LTBP2: variants seen among roughly 807,000 people sequenced by gnomAD.
LTBP2 encodes the protein latent transforming growth factor beta binding protein 2.
Under a neutral mutation model 210.6 loss-of-function variants are expected in LTBP2, and 103 were observed. That is an observed-to-expected ratio of 0.49 (90% confidence interval 0.42 to 0.58). The LOEUF is 0.58. Among genes scored for constraint, LTBP2 ranks in the 20% least tolerant of loss-of-function variants. The pLI, the probability that LTBP2 is intolerant of heterozygous loss-of-function variation, is 0.00. For missense variants in LTBP2, 2,313 were observed against 2,494.5 expected (o/e 0.93, Z 1.55); for synonymous variants, 1,007 against 1,015.0 (o/e 0.99, Z 0.15).
At chr14:74,567,739 A>T (rs1359087269) in intron 3 of LTBP2, among the ~76,000 whole-genome samples, 2 of 152,014 alleles carry the variant, frequency 1.3e-5, no homozygotes, top group Non-Finnish European at 2.9e-5. Context: ...CTGGGCACAC[A>T]GCTGCTGCCC....
At chr14:74,581,237 G>T (rs1019363000) in intron 3 of LTBP2, among the ~76,000 whole-genome samples, 1 of 152,266 alleles carries the variant, frequency 6.6e-6, no homozygotes, top group Admixed American at 6.5e-5. Context: ...GTGAGTGGGT[G>T]TGGTTGGCCC....
intron 2 of LTBP2, among the ~76,000 whole-genome samples, chr14:74,600,268 C>G (rs1288484819): frequency 6.6e-6 from 1 of 152,234 alleles, no homozygotes; most frequent in African/African-American, 2.4e-5. Flanking sequence ...GAGCCAACTT[C>G]AAGTGGGAGG....
Position 74,511,281 on chromosome 14 carries a change from C to T in LTBP2, c.2992G>A (p.Glu998Lys), listed in dbSNP as rs774936293. The T allele has an allele frequency of 1.1e-5, 17 of 1,613,990 alleles. No homozygotes were observed. The highest frequency in any genetic ancestry group is 1.7e-5 in the Admixed American group (1 of 60,010). ...CCACTCTGGCCCCGGTAGCCCTCCT[C>T]ACAGGCCAGACAAGTGTAGGAGCCA... ...SPGSYTCLAC[E>K]EGYRGQSGSC... Residue 998 changes from glutamate (E) to lysine (K), a missense_variant, in exon 19 of 36, where the codon GAG becomes AAG. By Grantham distance (56) the Glu-to-Lys change is moderately conservative. Transcript: ENST00000261978.
intron 30 of LTBP2, 115 bp from the exon 31 acceptor site, chr14:74,504,169 G>GGCAGA: frequency 7.3e-7 from 1 of 1,371,476 alleles, no homozygotes. Context: ...CTTACTAGGT[G>GGCAGA]GCTTTGGGCA....
At chr14:74,511,052 C>G (rs2087064877) in intron 19 of LTBP2, among the ~76,000 whole-genome samples, 193 bp downstream of exon 19, 3 of 152,248 alleles carry the variant, frequency 2.0e-5, no homozygotes, top group South Asian at 2.1e-4. Context: ...AAAAGGGCCC[C>G]ACCCTAGCTG....
At position 74,508,131 on chromosome 14, in the gene LTBP2, G is replaced by A. The variant is rs555010804; in HGVS notation, c.3653-36C>T. The A allele has an allele frequency of 5.3e-4, 857 of 1,612,314 alleles. 12 individuals carry two copies. In the South Asian group the frequency reaches 8.7e-3, roughly 16 times the overall value. ...GATGGCTGTCAGCAGACCCAGCCAC[G>A]GGTCCCTTCCCTGTTAGGGTCCTGT... On this transcript the variant is annotated intron_variant, in intron 24 of 35. Coordinates refer to ENST00000261978, the MANE Select transcript of LTBP2 (RefSeq NM_000428.3).
In LTBP2 at chr14:74,506,732, G is replaced by A. The variant is rs757436836; in HGVS notation, c.3999C>T (p.Gly1333=). 1 of 1,613,956 alleles carries A rather than the reference G, an allele frequency of 6.2e-7. No homozygotes were observed. The highest frequency in any genetic ancestry group is 8.5e-7 in the Non-Finnish European group (1 of 1,180,048). Residue 1333 remains glycine (G), a synonymous_variant, in exon 27 of 36, where the codon GGC becomes GGT. Transcript: ENST00000261978. ...CCCAGCCTGAGGGAGAGATCTCGAAGCCCTGGTCACAGAGGCAGCGGAAGG... is the reference window on the plus strand; with the variant it reads ...CCCAGCCTGAGGGAGAGATCTCGAAACCCTGGTCACAGAGGCAGCGGAAGG... ...DGSFRCLCDQ[G]FEISPSGWDC...
At chr14:74,583,935 A>G (rs2088170621) in intron 3 of LTBP2, among the ~76,000 whole-genome samples, 1 of 152,084 alleles carries the variant, frequency 6.6e-6, no homozygotes, top group Non-Finnish European at 1.5e-5. Flanking sequence ...CAGGGGCCTC[A>G]CCTCCTCCTG....
chr14:74,533,364 T>C (rs1396056214), intron 9 of LTBP2, among the ~76,000 whole-genome samples: 1 of 151,886 alleles, frequency 6.6e-6, no homozygotes, highest in African/African-American at 2.4e-5. Context: ...GAGAGTGGCA[T>C]GTTGAGATGC....
At position 74,500,479 on chromosome 14, in the gene LTBP2, C is replaced by T; in HGVS notation, c.*405G>A. The T allele has an allele frequency of 2.4e-6, 1 of 423,468 alleles. No homozygotes were observed. The highest frequency in any genetic ancestry group is 6.9e-4 in the Middle Eastern group (1 of 1,442). The allele number at this position is 423,468 out of a possible 1,614,324, so 26.2% of individuals were successfully genotyped here. ...GACCTCCCTAGGGCAGATGTAGCCT[C>T]TGTCCCAGTTGTGGGATCGTCAGGA... On this transcript the variant is annotated 3_prime_UTR_variant, in exon 36 of 36. Transcript: ENST00000261978.
In LTBP2 at chr14:74,501,578, C is replaced by T; in HGVS notation, c.5183G>A (p.Gly1728Asp). 1 of 1,614,056 alleles carries T rather than the reference C, an allele frequency of 6.2e-7. No individual in the cohort carries two copies. Among genetic ancestry groups the T allele is most frequent in the African/African-American group, 1.3e-5 (1 of 75,034 alleles). Residue 1728 changes from glycine to aspartate, a missense_variant, in exon 35 of 36, where the codon GGC becomes GAC. Gly to Asp is a moderately conservative substitution (Grantham distance 94). This residue lies in a region of LTBP2 where 443 missense variants were observed against 501.4 expected (regional missense o/e 0.88). Transcript: ENST00000261978. ...YVASHPEPPA[G>D]FEGLQAEECG... ...CTCCTCCGCCTGAAGCCCTTCGAAGCCGGCTGGGGGCTCTGGGAGGAGGAA... is the reference window on the plus strand; with the variant it reads ...CTCCTCCGCCTGAAGCCCTTCGAAGTCGGCTGGGGGCTCTGGGAGGAGGAA...
intron 1 of LTBP2, among the ~76,000 whole-genome samples, chr14:74,604,298 C>G (rs746719346): frequency 6.6e-6 from 1 of 152,034 alleles, no homozygotes; most frequent in East Asian, 1.9e-4. Context: ...TACCTGCCAA[C>G]GAATGCACAC....
intron 6 of LTBP2, 82 bp downstream of exon 6, chr14:74,552,105 C>A: frequency 2.3e-6 from 3 of 1,328,288 alleles, no homozygotes; most frequent in Non-Finnish European, 3.1e-6. Flanking sequence ...GCTTCCCTAT[C>A]CCTGTCACAG....
At chr14:74,577,285 C>A (rs1270571301) in intron 3 of LTBP2, among the ~76,000 whole-genome samples, 1 of 152,194 alleles carries the variant, frequency 6.6e-6, no homozygotes, top group African/African-American at 2.4e-5. Context: ...AGAAAGAGAA[C>A]TCAGTGGCCA....
In LTBP2 at chr14:74,525,042, G is replaced by A. The variant is rs528772010; in HGVS notation, c.2530+82C>T. ...AAAGGTGAGGGGGCATTCCATTCAT[G>A]CCCCTGCCCTGGAGTTGGCTCTGGA... is the stretch of plus-strand genomic sequence containing the variant. On this transcript the variant is annotated intron_variant, in intron 15 of 35. Transcript: ENST00000261978. 10 of 731,526 alleles carry A rather than the reference G, an allele frequency of 1.4e-5. No homozygotes were observed. The East Asian group carries it at 2.4e-4, about 18-fold the overall frequency. 45.3% of individuals were successfully genotyped at this position (731,526 alleles called of 1,614,324 possible). A position where few individuals can be genotyped will look rare whatever the true frequency, so the allele number is the denominator to read the frequency against.
chr14:74,540,803 A>ATATT (rs1566629847), intron 8 of LTBP2, among the ~76,000 whole-genome samples: 1,715 of 68,648 alleles, frequency 0.025, 403 homozygotes, highest in Non-Finnish European at 0.032. Context: ...ATTTATATAT[A>ATATT]TATATAATAT....
At chr14:74,505,881 G>A (rs2086976488) in intron 28 of LTBP2, among the ~76,000 whole-genome samples, 167 bp downstream of exon 28, 1 of 152,042 alleles carries the variant, frequency 6.6e-6, no homozygotes, top group Non-Finnish European at 1.5e-5. Context: ...GCGGCCCTCA[G>A]CCTCCTCACC....
intron 26 of LTBP2, 70 bp downstream of exon 26, chr14:74,507,109 T>G: frequency 6.2e-7 from 1 of 1,611,714 alleles, no homozygotes; most frequent in Non-Finnish European, 8.5e-7. Context: ...GAGAAAATCA[T>G]GTCTCGCTCA....
chr14:74,566,465 C>A (rs190086614), intron 3 of LTBP2, among the ~76,000 whole-genome samples: 24 of 152,344 alleles, frequency 1.6e-4, no homozygotes, highest in Admixed American at 1.3e-3. Flanking sequence ...GCTTAACATG[C>A]CCTGTGTTTC....
Sources: allele counts gnomAD v4.1 joint callset (sites outside exome capture counted in the v4.1 genomes callset), GRCh38; gene constraint gnomAD v4.1.1; regional missense constraint gnomAD v4.1.1; transcripts MANE v1.5; gene names NCBI Gene and HGNC (gene_info 2026-07-23, HGNC 2026-07-21).